Variants in LYRM1 observed in about 807,000 individuals in gnomAD.
The protein encoded by LYRM1 is LYR motif-containing protein 1.
A neutral mutation model predicts 14.9 loss-of-function variants in LYRM1; 14 were observed. The observed-to-expected ratio is 0.94, with a 90% CI of 0.62 to 1.47. The LOEUF is 1.47. Among genes scored for constraint, LYRM1 ranks in the 40% most tolerant of loss-of-function variants. The pLI, the probability that LYRM1 is intolerant of heterozygous loss-of-function variation, is 0.00. For missense variants in LYRM1, 153 were observed against 149.9 expected (o/e 1.02, Z -0.11); for synonymous variants, 43 against 56.2 (o/e 0.77, Z 1.05).
Position 20,924,167 on chromosome 16 carries a change from G to A in LYRM1, c.*51G>A, listed in dbSNP as rs1567471360. 3.8e-6 allele frequency: 4 copies of A among 1,044,156 alleles called. No individual in the cohort carries two copies. The highest frequency in any genetic ancestry group is 2.8e-5 in the South Asian group (2 of 71,292). The allele number at this position is 1,044,156 out of a possible 1,614,324, so 64.7% of individuals were successfully genotyped here. A position where few individuals can be genotyped will look rare whatever the true frequency, so the allele number is the denominator to read the frequency against. On this transcript the variant is annotated 3_prime_UTR_variant, in exon 4 of 4. Coordinates refer to ENST00000567954, the MANE Select transcript of LYRM1 (RefSeq NM_001128302.3). ...ATGATGAGCCAACTAGTTATTGAAT[G>A]TAAACCAGATGGCAAAACACTTCTT...
intron 2 of LYRM1, 38 bp from the exon 3 acceptor site, chr16:20,920,084 A>C (rs1461922463): frequency 7.1e-7 from 1 of 1,415,066 alleles, no homozygotes; most frequent in East Asian, 2.3e-5. Flanking sequence ...ACCATTAGAA[A>C]GATACTATCA....
chr16:20,904,088 C>T (rs1287863952), intron 1 of LYRM1, among the ~76,000 whole-genome samples: 1 of 152,144 alleles, frequency 6.6e-6, no homozygotes, highest in Admixed American at 6.5e-5. Flanking sequence ...TTTTTCACCA[C>T]CTCTGACTGA....
At chr16:20,900,458 G>A (rs189366408), upstream of LYRM1, 5 of 152,432 alleles carry the variant, frequency 3.3e-5, no homozygotes, top group East Asian at 1.9e-4. Context: ...CCAGGAGGGA[G>A]AATGGGAGAG....
Position 20,924,896 on chromosome 16 carries a change from C to G in LYRM1, c.*780C>G, listed in dbSNP as rs948827481. On this transcript the variant is annotated 3_prime_UTR_variant, in exon 4 of 4. Transcript: ENST00000567954. ...ATAGAAGGGATTTATTCCACCCCTG[C>G]AAGGGTAGAGTCAGGTGAGAGTCCC... is the stretch of plus-strand genomic sequence containing the variant. 1 of 152,164 alleles carries G rather than the reference C, an allele frequency of 6.6e-6. No homozygotes were observed. Among genetic ancestry groups the G allele is most frequent in the Non-Finnish European group, 1.5e-5 (1 of 68,032 alleles). 9.4% of individuals were successfully genotyped at this position (152,164 alleles called of 1,614,324 possible).
At chr16:20,922,276 C>T (rs1316327233) in intron 3 of LYRM1, among the ~76,000 whole-genome samples, 1 of 152,052 alleles carries the variant, frequency 6.6e-6, no homozygotes, top group South Asian at 2.1e-4. Context: ...AGGTATGAGC[C>T]ACCACGCCCA....
intron 1 of LYRM1, among the ~76,000 whole-genome samples, chr16:20,908,724 C>G (rs1409236666): frequency 6.6e-6 from 1 of 152,184 alleles, no homozygotes; most frequent in Non-Finnish European, 1.5e-5. Context: ...GCAGAACTAT[C>G]TGCTGGCCAT....
intron 1 of LYRM1, chr16:20,911,296 T>C (rs2082579575): frequency 6.6e-6 from 1 of 152,218 alleles, no homozygotes; most frequent in South Asian, 2.1e-4. Flanking sequence ...AGAAATTCTC[T>C]GTAAGTTGAA....
chr16:20,920,636 C>T (rs8050406), intron 3 of LYRM1: 111,775 of 177,550 alleles, frequency 0.63, 36,713 homozygotes, highest in Non-Finnish European at 0.73. Flanking sequence ...GCCTATAATC[C>T]TAGCACTTTG....
At chr16:20,918,030 C>T (rs1217825187) in intron 2 of LYRM1, among the ~76,000 whole-genome samples, 1 of 152,052 alleles carries the variant, frequency 6.6e-6, no homozygotes, top group Non-Finnish European at 1.5e-5. Flanking sequence ...CTGCTTCCCC[C>T]TCAACCCCAT....
At position 20,922,169 on chromosome 16, in the gene LYRM1, T is replaced by C. The variant is rs113384398; in HGVS notation, c.253-1831T>C. ...CACACCCACCTAATTTTTGTATTTTTAGTAGTAACAGGGTTTCACCATGTT... is the reference window on the plus strand; with the variant it reads ...CACACCCACCTAATTTTTGTATTTTCAGTAGTAACAGGGTTTCACCATGTT... On this transcript the variant is annotated intron_variant, in intron 3 of 3. Transcript: ENST00000567954. Among the ~76,000 whole-genome samples the C allele has an allele frequency of 3.5e-3, 530 of 152,156 alleles. 3 individuals carry two copies. Among genetic ancestry groups the C allele is most frequent in the Non-Finnish European group, 4.2e-3 (283 of 68,006 alleles).
At chr16:20,905,473 GGCAAGAACATCTGGTTGCTCTGACATTA>G (rs1407037001) in intron 1 of LYRM1, among the ~76,000 whole-genome samples, 3 of 152,060 alleles carry the variant, frequency 2.0e-5, no homozygotes, top group Non-Finnish European at 4.4e-5. Flanking sequence ...TGCTATACAG[GGCAAGAACATCTGGTTGCTCTGACATTA>G]GCAAGAGCAT....
chr16:20,901,049 C>T lies in LYRM1; in HGVS notation c.-1+160C>T, dbSNP rs139951285. On this transcript the variant is annotated intron_variant, in intron 1 of 3. Transcript: ENST00000567954. The surrounding 1 kb of genome is among the most constrained non-coding windows in gnomAD (Gnocchi z 4.6). ...TCGCGGGGGCGGCTCGGTGTCATCG[C>T]CACCGGCCTCGGGGACCTGCCTCAC... 0.012 allele frequency: 1,892 copies of T among 152,508 alleles called. 24 individuals carry two copies. Among genetic ancestry groups the T allele is most frequent in the Middle Eastern group, 0.02 (6 of 296 alleles). The allele number at this position is 152,508 out of a possible 1,614,324, so 9.4% of individuals were successfully genotyped here. A position where few individuals can be genotyped will look rare whatever the true frequency, so the allele number is the denominator to read the frequency against.
Position 20,924,361 on chromosome 16 carries a change from A to G in LYRM1, c.*245A>G. The G allele has an allele frequency of 2.8e-6, 1 of 361,928 alleles. No individual in the cohort carries two copies. Among genetic ancestry groups the G allele is most frequent in the Non-Finnish European group, 5.0e-6 (1 of 198,258 alleles). The allele number at this position is 361,928 out of a possible 1,614,324, so 22.4% of individuals were successfully genotyped here. ...ATCCTCACTGCAGTCACCTTTGGAA[A>G]CAAGACCGAGGCCTGTAGAAGGAAA... On this transcript the variant is annotated 3_prime_UTR_variant, in exon 4 of 4. Transcript: ENST00000567954.
chr16:20,922,287 G>A (rs1233644957), intron 3 of LYRM1, among the ~76,000 whole-genome samples: 2 of 152,096 alleles, frequency 1.3e-5, no homozygotes, highest in Non-Finnish European at 2.9e-5. Context: ...ACCACGCCCA[G>A]CCCAATCTTT....
At chr16:20,917,330 T>C (rs912339165) in intron 2 of LYRM1, among the ~76,000 whole-genome samples, 1 of 152,106 alleles carries the variant, frequency 6.6e-6, no homozygotes. Context: ...TATCCTTTCA[T>C]CTTTCTAAAA....
At chr16:20,918,611 G>C (rs1456960529) in intron 2 of LYRM1, among the ~76,000 whole-genome samples, 1 of 152,134 alleles carries the variant, frequency 6.6e-6, no homozygotes, top group Non-Finnish European at 1.5e-5. Flanking sequence ...CAGATAGACA[G>C]CTGAAGCCCC....
upstream of LYRM1, chr16:20,900,514 A>C (rs924040015): frequency 1.3e-5 from 2 of 152,280 alleles, no homozygotes; most frequent in African/African-American, 4.8e-5. Flanking sequence ...ACGCACATAA[A>C]GACGTACGAA....
intron 1 of LYRM1, among the ~76,000 whole-genome samples, chr16:20,907,897 C>T (rs1409274336): frequency 1.3e-5 from 2 of 152,086 alleles, no homozygotes. Context: ...ACATCATCTG[C>T]CTATGCCACT....
At chr16:20,904,019 T>C (rs560810212) in intron 1 of LYRM1, among the ~76,000 whole-genome samples, 1 of 152,208 alleles carries the variant, frequency 6.6e-6, no homozygotes, top group African/African-American at 2.4e-5. Flanking sequence ...TGGCCTTCAA[T>C]TCCAGCCCCC....
Sources: gnomAD v4.1 joint callset for allele counts (sites outside exome capture counted in the v4.1 genomes callset) on GRCh38, gnomAD v4.1.1 for gene constraint, Gnocchi (gnomAD v3.1) non-coding constraint, MANE v1.5 for transcripts, NCBI Gene and HGNC (gene_info 2026-07-23, HGNC 2026-07-21) for gene names.